Variants in EXOC4 observed in about 807,000 individuals in gnomAD.
EXOC4 encodes the protein SEC8-like 1.
A neutral mutation model predicts 107.2 loss-of-function variants in EXOC4; 71 were observed. That is an observed-to-expected ratio of 0.66 (90% CI 0.55 to 0.81). The LOEUF is 0.81. Among genes scored for constraint, EXOC4 ranks in the 30% least tolerant of loss-of-function variants. EXOC4 has a pLI of 0.00. For synonymous variants in EXOC4, 456 were observed against 441.2 expected (o/e 1.03, Z -0.42); for missense variants, 1,108 against 1,189.6 (o/e 0.93, Z 1.01).
chr7:133,806,106 A>G (rs1797070453), intron 10 of EXOC4, among the ~76,000 whole-genome samples: 1 of 152,254 alleles, frequency 6.6e-6, no homozygotes, highest in African/African-American at 2.4e-5. Context: ...TGGAACACTA[A>G]CATAGTGCCT....
chr7:133,460,667 A>G (rs1000133663), intron 7 of EXOC4, among the ~76,000 whole-genome samples: 12 of 152,032 alleles, frequency 7.9e-5, no homozygotes, highest in Non-Finnish European at 1.8e-4. Flanking sequence ...TTAGTTTAGT[A>G]GCTTGCTCAA....
chr7:133,859,947 A>G (rs571870507), intron 11 of EXOC4, among the ~76,000 whole-genome samples: 7 of 152,304 alleles, frequency 4.6e-5, no homozygotes, highest in Admixed American at 1.3e-4. Flanking sequence ...GCTGTCTTCT[A>G]TAAAGCAGAG....
chr7:133,839,609 T>C (rs1797984934), intron 11 of EXOC4, among the ~76,000 whole-genome samples: 1 of 152,176 alleles, frequency 6.6e-6, no homozygotes, highest in Admixed American at 6.5e-5. Flanking sequence ...AAGTTGATAC[T>C]CAAGTAAGAA....
chr7:133,763,616 G>A (rs1796077716), intron 10 of EXOC4, among the ~76,000 whole-genome samples: 1 of 151,586 alleles, frequency 6.6e-6, no homozygotes, highest in African/African-American at 2.4e-5. Flanking sequence ...GTAAATGTTA[G>A]CAGCTGTTGT....
intron 11 of EXOC4, among the ~76,000 whole-genome samples, chr7:133,885,821 T>C (rs1020406907): frequency 1.3e-5 from 2 of 152,176 alleles, no homozygotes; most frequent in African/African-American, 4.8e-5. Context: ...GAGATGGGCA[T>C]GTTCAGAGGA....
At position 133,427,998 on chromosome 7, in the gene EXOC4, G is replaced by A. The variant is rs1461745325; in HGVS notation, c.1183-47330G>A. On this transcript the variant is annotated intron_variant, in intron 7 of 17. Transcript: ENST00000253861. ...CAAATTATTTGCTTCAGTCTGTGATGCTTTCAAGAGTTTGAGAAATAGGGT... is the reference window on the plus strand; with the variant it reads ...CAAATTATTTGCTTCAGTCTGTGATACTTTCAAGAGTTTGAGAAATAGGGT... Among the ~76,000 whole-genome samples, 3 of 152,192 alleles carry A rather than the reference G, an allele frequency of 2.0e-5. No individual in the cohort carries two copies. In the East Asian group the frequency reaches 5.8e-4, roughly 29 times the overall value.
chr7:133,269,600 T>G (rs1793815958), intron 1 of EXOC4, among the ~76,000 whole-genome samples: 1 of 152,212 alleles, frequency 6.6e-6, no homozygotes, highest in East Asian at 1.9e-4. Flanking sequence ...TGCATGTAAA[T>G]TTCTGCATTT....
intron 14 of EXOC4, among the ~76,000 whole-genome samples, chr7:133,959,303 AATAAG>A (rs1482178974): frequency 6.6e-6 from 1 of 152,162 alleles, no homozygotes; most frequent in East Asian, 1.9e-4. Context: ...CCCTAGAAGA[AATAAG>A]AGAAGATATT....
chr7:133,356,996 A>G (rs1019260244), intron 6 of EXOC4, among the ~76,000 whole-genome samples: 7 of 152,172 alleles, frequency 4.6e-5, no homozygotes, highest in Middle Eastern at 3.2e-3. Flanking sequence ...TAAAAAGGAT[A>G]CTATAGCCCA....
chr7:133,361,176 G>A (rs1166587850), intron 6 of EXOC4, among the ~76,000 whole-genome samples: 1 of 152,212 alleles, frequency 6.6e-6, no homozygotes, highest in Admixed American at 6.5e-5. Context: ...GGAGTTTAAA[G>A]CAGGAAGGAA....
intron 10 of EXOC4, among the ~76,000 whole-genome samples, chr7:133,700,672 C>G (rs1794638459): frequency 6.6e-6 from 1 of 152,066 alleles, no homozygotes; most frequent in Non-Finnish European, 1.5e-5. Context: ...AATAGACAAT[C>G]CAAATTCATT....
intron 13 of EXOC4, among the ~76,000 whole-genome samples, chr7:133,928,411 G>A (rs1238816079): frequency 3.9e-5 from 6 of 152,166 alleles, no homozygotes; most frequent in Non-Finnish European, 7.3e-5. Context: ...CTCTGCTGAT[G>A]CCTGTTCTCT....
intron 17 of EXOC4, among the ~76,000 whole-genome samples, chr7:134,038,179 G>A (rs1318056762): frequency 6.6e-6 from 1 of 152,202 alleles, no homozygotes; most frequent in East Asian, 1.9e-4. Flanking sequence ...TGGCAGATGG[G>A]AACTGTCTGA....
intron 6 of EXOC4, among the ~76,000 whole-genome samples, chr7:133,362,929 T>C (rs1796166295): frequency 6.6e-6 from 1 of 152,198 alleles, no homozygotes; most frequent in Admixed American, 6.5e-5. Context: ...AAGAGCAGCT[T>C]TGAAGCAAGG....
At chr7:133,600,960 C>T (rs1801791839) in intron 9 of EXOC4, among the ~76,000 whole-genome samples, 1 of 152,192 alleles carries the variant, frequency 6.6e-6, no homozygotes, top group African/African-American at 2.4e-5. Flanking sequence ...TAATTAAATA[C>T]TGTCAATGTA....
intron 9 of EXOC4, among the ~76,000 whole-genome samples, chr7:133,623,507 C>T (rs1176643172): frequency 6.6e-6 from 1 of 151,964 alleles, no homozygotes; most frequent in Non-Finnish European, 1.5e-5. Context: ...TGTGCTTATT[C>T]CCCGGGAGAA....
intron 9 of EXOC4, among the ~76,000 whole-genome samples, chr7:133,586,164 G>A (rs1477920740): frequency 6.6e-6 from 1 of 152,112 alleles, no homozygotes; most frequent in Non-Finnish European, 1.5e-5. Context: ...GGTGTTTCAT[G>A]TGCAGATTAT....
At chr7:133,853,345 A>AACACACACAC (rs59000979) in intron 11 of EXOC4, among the ~76,000 whole-genome samples, 16 of 115,486 alleles carry the variant, frequency 1.4e-4, no homozygotes, top group East Asian at 8.4e-4. Flanking sequence ...CTCTCTCTTT[A>AACACACACAC]ACACACACAC....
Position 133,948,262 on chromosome 7 carries a change from A to G in EXOC4, c.2206+10193A>G, listed in dbSNP as rs186634202. 5.4e-3 allele frequency among the ~76,000 whole-genome samples: 830 copies of G among 152,328 alleles called. 7 individuals carry two copies. Among genetic ancestry groups the G allele is most frequent in the African/African-American group, 0.019 (783 of 41,576 alleles). ...GTGCTTTAAAACCTGGGATAAGCCCAGGAACCAGTGTGAAATCATGACTTA... is the reference window on the plus strand; with the variant it reads ...GTGCTTTAAAACCTGGGATAAGCCCGGGAACCAGTGTGAAATCATGACTTA... On this transcript the variant is annotated intron_variant, in intron 14 of 17. Coordinates refer to ENST00000253861, the MANE Select transcript of EXOC4 (RefSeq NM_021807.4).
Sources: allele counts gnomAD v4.1 joint callset (sites outside exome capture counted in the v4.1 genomes callset), GRCh38; gene constraint gnomAD v4.1.1; transcripts MANE v1.5; gene names NCBI Gene and HGNC (gene_info 2026-07-23, HGNC 2026-07-21).